LCTL: variants seen among roughly 807,000 people sequenced by gnomAD.
The protein encoded by LCTL is lactase-like protein.
LCTL carries 76 observed loss-of-function variants against 75.8 expected under a neutral mutation model. That is an observed-to-expected ratio of 1.00 (90% CI 0.83 to 1.21). The LOEUF (loss-of-function observed/expected upper bound fraction) is 1.21, where lower values mean the gene tolerates loss of function less well. Ranked by LOEUF, LCTL falls within the 50% of genes most tolerant of loss-of-function variation. LCTL has a pLI of 0.00. For missense variants in LCTL, 670 were observed against 712.4 expected (o/e 0.94, Z 0.68); for synonymous variants, 271 against 268.8 (o/e 1.01, Z -0.08).
chr15:66,564,859 C>T lies in LCTL; in HGVS notation c.119-20G>A. ...AGAAGCCTGCAGGGGGAGACCCGTGCTGGGTCCCAGGTGCTCCCATGTGTC... is the reference window on the plus strand; with the variant it reads ...AGAAGCCTGCAGGGGGAGACCCGTGTTGGGTCCCAGGTGCTCCCATGTGTC... On this transcript the variant is annotated intron_variant, in intron 1 of 12. Coordinates refer to ENST00000341509, the Ensembl canonical transcript of LCTL. 1.2e-6 allele frequency: 2 copies of T among 1,604,442 alleles called. No homozygotes were observed. Among genetic ancestry groups the T allele is most frequent in the Non-Finnish European group, 8.5e-7 (1 of 1,178,160 alleles).
exon 8 of LCTL, chr15:66,557,882 A>G (rs34672663): frequency 1.2e-6 from 2 of 1,613,412 alleles, no homozygotes; most frequent in Admixed American, 3.3e-5. Context: ...TTCCCACCAG[A>G]CCTTAAAAGA....
At chr15:66,554,472 AT>A (rs1190146981) in intron 8 of LCTL, among the ~76,000 whole-genome samples, 2 of 152,158 alleles carry the variant, frequency 1.3e-5, no homozygotes, top group Non-Finnish European at 2.9e-5. Flanking sequence ...AAAATAAAAA[AT>A]AAAAATGTGT....
chr15:66,562,031 T>A (rs1188734154), intron 4 of LCTL, among the ~76,000 whole-genome samples: 1 of 151,976 alleles, frequency 6.6e-6, no homozygotes, highest in Non-Finnish European at 1.5e-5. Flanking sequence ...CGCCCTCCAA[T>A]CAGAACACCC....
chr15:66,553,442 TAA>T (rs1895662054), intron 8 of LCTL, among the ~76,000 whole-genome samples, 184 bp from the exon 10 acceptor site: 3 of 152,208 alleles, frequency 2.0e-5, no homozygotes, highest in Non-Finnish European at 4.4e-5. Context: ...AAAATATTTA[TAA>T]GTTTATATTG....
At chr15:66,550,181 G>T (rs1052462887) in intron 11 of LCTL, 77 bp from the exon 13 acceptor site, 35 of 805,390 alleles carry the variant, frequency 4.3e-5, no homozygotes, top group Non-Finnish European at 6.0e-5. Context: ...TGAAATAAAT[G>T]TGGGGTAAAA....
rs760878832 is a variant in LCTL, at chr15:66,563,636, A to G, written c.371-11T>C. The stretch of plus-strand genomic sequence containing the variant: ...TGTTCACCTGCTCGGCTGCAGGTGA[A>G]ATAAAAGAAGATGCTACCAGAAAGG... On this transcript the variant is annotated splice_polypyrimidine_tract_variant and intron_variant, in intron 3 of 12. Transcript: ENST00000341509. The G allele has an allele frequency of 6.3e-7, 1 of 1,582,482 alleles. No individual in the cohort carries two copies. Among genetic ancestry groups the G allele is most frequent in the Non-Finnish European group, 8.7e-7 (1 of 1,153,880 alleles).
chr15:66,563,395 G>A, intron 4 of LCTL, 121 bp downstream of exon 5: 1 of 612,798 alleles, frequency 1.6e-6, no homozygotes, highest in Non-Finnish European at 2.9e-6. Flanking sequence ...GCATCTTATA[G>A]TCCTGCGCCA....
chr15:66,558,628 T>G (rs1487268554), intron 6 of LCTL, among the ~76,000 whole-genome samples: 1 of 151,532 alleles, frequency 6.6e-6, no homozygotes, highest in Non-Finnish European at 1.5e-5. Flanking sequence ...CCAGACCTAC[T>G]GAATCAGAAA....
chr15:66,551,825 G>A, exon 11 of LCTL: 1 of 1,613,736 alleles, frequency 6.2e-7, no homozygotes, highest in South Asian at 1.1e-5. Flanking sequence ...CAGAGACCAG[G>A]AAGTATACCC....
rs183187263 is a variant in LCTL, at chr15:66,563,807, G to A, written c.370+104C>T. On this transcript the variant is annotated intron_variant, in intron 3 of 12. Transcript: ENST00000341509. ...GAGAGCTGCTACCGTCAGCAACTAC[G>A]TTCATGGGCTGATCTCCCTCCCCAG... 2.6e-3 allele frequency: 2,575 copies of A among 975,992 alleles called. 6 individuals carry two copies. The highest frequency in any genetic ancestry group is 3.2e-3 in the Non-Finnish European group (1,941 of 614,880). 60.5% of individuals were successfully genotyped at this position (975,992 alleles called of 1,614,324 possible). A position where few individuals can be genotyped will look rare whatever the true frequency, so the allele number is the denominator to read the frequency against.
At chr15:66,552,101 T>C in exon 10 of LCTL, 1 of 1,611,792 alleles carries the variant, frequency 6.2e-7, no homozygotes, top group Non-Finnish European at 8.5e-7. Context: ...CATCACATAA[T>C]TGAGTACAGT....
At chr15:66,562,670 T>C (rs35483637) in intron 4 of LCTL, among the ~76,000 whole-genome samples, 45,831 of 151,596 alleles carry the variant, frequency 0.3, 7,095 homozygotes, top group African/African-American at 0.32. Flanking sequence ...CTGCAATCTT[T>C]GCTTCCCGGG....
At chr15:66,557,937 C>G (rs138005784) in intron 7 of LCTL, 45 bp downstream of exon 8, 3 of 1,608,284 alleles carry the variant, frequency 1.9e-6, no homozygotes, top group Non-Finnish European at 2.6e-6. Flanking sequence ...ATTGCTGCTC[C>G]GGGCACTTGG....
chr15:66,553,034 A>G lies in LCTL; in HGVS notation c.1147T>C (p.Trp383Arg). ...AATCCCCATGGCACAGAATATAGCC[A>G]TTTAGACCCCAGATCTGGCCAGTTT... Residue 383 changes from tryptophan (W) to arginine (R), a missense_variant, in exon 9 of 13, where the codon TGG (tryptophan) becomes CGG (arginine). Trp to Arg is a moderately radical substitution (Grantham distance 101). Coordinates refer to ENST00000341509, the Ensembl canonical transcript of LCTL. 1 of 1,570,804 alleles carries G rather than the reference A, an allele frequency of 6.4e-7. No homozygotes were observed. The highest frequency in any genetic ancestry group is 8.6e-7 in the Non-Finnish European group (1 of 1,160,282).
At chr15:66,552,871 G>T (rs1895643858) in intron 9 of LCTL, 113 bp downstream of exon 10, 1 of 946,638 alleles carries the variant, frequency 1.1e-6, no homozygotes, top group South Asian at 2.9e-5. Flanking sequence ...TGAAGTATGA[G>T]TAACTAGGTT....
exon 13 of LCTL, chr15:66,547,591 A>G (rs1895424461): frequency 6.6e-6 from 1 of 152,192 alleles, no homozygotes; most frequent in Non-Finnish European, 1.5e-5. Context: ...TAGAAGATAA[A>G]TAAAAAATAA....
exon 6 of LCTL, chr15:66,561,020 G>A (rs1237410615): frequency 6.2e-7 from 1 of 1,613,950 alleles, no homozygotes; most frequent in Non-Finnish European, 8.5e-7. Context: ...ATGATGTGGT[G>A]TGCTGCCTTG....
rs533554939 is a variant in LCTL, at chr15:66,548,731, TC to T, written c.1589-127del. On this transcript the variant is annotated intron_variant, in intron 12 of 12. Transcript: ENST00000341509. ...AAATAGCATCCTCAAATTTTCTGAT[TC>T]TTATTTGCCATGAAATAGAACTTAG... is the stretch of plus-strand genomic sequence containing the variant. 3 of 509,720 alleles carry T rather than the reference TC, an allele frequency of 5.9e-6. No homozygotes were observed. In the East Asian group the frequency reaches 8.9e-5, roughly 15 times the overall value. 31.6% of individuals were successfully genotyped at this position (509,720 alleles called of 1,614,324 possible). A position where few individuals can be genotyped will look rare whatever the true frequency, so the allele number is the denominator to read the frequency against.
At chr15:66,565,299 G>A (rs748236619) in exon 1 of LCTL, 19 of 1,613,576 alleles carry the variant, frequency 1.2e-5, no homozygotes, top group Admixed American at 8.3e-5. Flanking sequence ...GACCCCTTCC[G>A]GGCGGCCCCC....
Sources: gnomAD v4.1 joint callset for allele counts (sites outside exome capture counted in the v4.1 genomes callset) on GRCh38, gnomAD v4.1.1 for gene constraint, MANE v1.5 for transcripts, NCBI Gene and HGNC (gene_info 2026-07-23, HGNC 2026-07-21) for gene names.